WIPI2: variants seen among roughly 807,000 people sequenced by gnomAD.
WIPI2 encodes the protein WD repeat domain, phosphoinositide interacting 2.
In WIPI2, 28 loss-of-function variants were observed where a neutral mutation model predicts 52.3. That is an observed-to-expected ratio of 0.54 (90% CI 0.40 to 0.73). The LOEUF (loss-of-function observed/expected upper bound fraction) is 0.73. WIPI2 is among the 30% of genes least tolerant of loss of function. WIPI2 has a pLI of 0.00. For missense variants in WIPI2, 506 were observed against 602.9 expected, an observed-to-expected ratio of 0.84 and a Z score of 1.68; for synonymous variants, 268 against 245.0, an observed-to-expected ratio of 1.09 and a Z score of -0.88.
intron 4 of WIPI2, among the ~76,000 whole-genome samples, chr7:5,215,955 G>A (rs1782789892): frequency 6.6e-6 from 1 of 152,178 alleles, no homozygotes; most frequent in African/African-American, 2.4e-5. Flanking sequence ...CTCAGCATCA[G>A]TTTTAAAAAG....
rs971133472 is a variant in WIPI2, at chr7:5,230,318, G to T, written c.1253-517G>T. ...GAATGAGGCCAATGGGCTCCCCTCC[G>T]GCGGCAGCACTAAGACCCATGCATG... On this transcript the variant is annotated intron_variant, in intron 12 of 12. Coordinates refer to ENST00000288828, the MANE Select transcript of WIPI2 (RefSeq NM_015610.4). This position sits in a 1 kb window ranked among gnomAD's most constrained non-coding sequence, Gnocchi z 4.8. 6.6e-6 allele frequency among the ~76,000 whole-genome samples: 1 copy of T among 152,142 alleles called. No individual in the cohort carries two copies. Among genetic ancestry groups the T allele is most frequent in the African/African-American group, 2.4e-5 (1 of 41,432 alleles).
At chr7:5,201,321 A>G (rs1000178500) in intron 3 of WIPI2, among the ~76,000 whole-genome samples, 1 of 152,220 alleles carries the variant, frequency 6.6e-6, no homozygotes, top group African/African-American at 2.4e-5. Context: ...CAGTGCTTAT[A>G]AAGAGTGGAA....
intron 2 of WIPI2, among the ~76,000 whole-genome samples, chr7:5,197,118 C>CAAAAAAAAAAAAAAAAAAAAAAAAAA (rs869261081): frequency 2.4e-5 from 1 of 41,450 alleles, no homozygotes. Flanking sequence ...TCTCAAAAAA[C>CAAAAAAAAAAAAAAAAAAAAAAAAAA]AAAAAAAAAA....
chr7:5,221,484 A>G (rs748808091), intron 7 of WIPI2, among the ~76,000 whole-genome samples: 4 of 152,324 alleles, frequency 2.6e-5, no homozygotes, highest in Non-Finnish European at 5.9e-5. Context: ...TTGGAATGCT[A>G]CCCATTTTAA....
chr7:5,221,213 C>T (rs765571177), intron 7 of WIPI2, among the ~76,000 whole-genome samples: 9 of 151,840 alleles, frequency 5.9e-5, no homozygotes, highest in South Asian at 2.1e-4. Context: ...CCACTCACCT[C>T]GGGCTCCCAA....
intron 3 of WIPI2, among the ~76,000 whole-genome samples, chr7:5,206,443 G>A (rs1782299969): frequency 6.6e-6 from 1 of 152,180 alleles, no homozygotes; most frequent in Non-Finnish European, 1.5e-5. Context: ...TCTCTTTTAT[G>A]AATATTTGCA....
At chr7:5,204,331 G>A (rs944266586) in intron 3 of WIPI2, among the ~76,000 whole-genome samples, 2 of 152,134 alleles carry the variant, frequency 1.3e-5, no homozygotes, top group African/African-American at 4.8e-5. Context: ...GCCGGACATG[G>A]TGGCGCGCTC....
At chr7:5,203,625 C>CTT (rs10709311) in intron 3 of WIPI2, among the ~76,000 whole-genome samples, 426 of 66,312 alleles carry the variant, frequency 6.4e-3, no homozygotes, top group Admixed American at 7.0e-3. Context: ...TACGTTCAGC[C>CTT]TTTTTTTTTT....
intron 5 of WIPI2, 173 bp from the exon 6 acceptor site, chr7:5,216,897 CTCTTGACAATACTGGTATCA>C: frequency 1.4e-6 from 1 of 710,320 alleles, no homozygotes; most frequent in South Asian, 1.9e-5. Flanking sequence ...GGCCTTTAAT[CTCTTGACAATACTGGTATCA>C]CCTAAGGTGG....
chr7:5,207,745 T>G (rs1782361364), intron 3 of WIPI2, among the ~76,000 whole-genome samples: 1 of 151,442 alleles, frequency 6.6e-6, no homozygotes, highest in South Asian at 2.1e-4. Flanking sequence ...ATGAGAGTTC[T>G]GATTGCTCTA....
intron 2 of WIPI2, among the ~76,000 whole-genome samples, chr7:5,195,264 A>C (rs1272487014): frequency 6.6e-6 from 1 of 152,160 alleles, no homozygotes; most frequent in Non-Finnish European, 1.5e-5. Flanking sequence ...AGGTGGGAGG[A>C]TCCCTTGAGT....
At chr7:5,229,138 C>T (rs1335511689) in intron 11 of WIPI2, among the ~76,000 whole-genome samples, 1 of 152,226 alleles carries the variant, frequency 6.6e-6, no homozygotes, top group African/African-American at 2.4e-5. Flanking sequence ...GCCTCAGCCT[C>T]CCGAGTAGCT....
intron 4 of WIPI2, among the ~76,000 whole-genome samples, chr7:5,215,574 T>G (rs115149377): frequency 0.023 from 3,579 of 152,312 alleles, 139 homozygotes; most frequent in African/African-American, 0.081. Flanking sequence ...GAAAGCTGAT[T>G]AGGCTGCTGG....
At chr7:5,217,805 T>C in intron 6 of WIPI2, 117 bp from the exon 7 acceptor site, 1 of 953,522 alleles carries the variant, frequency 1.0e-6, no homozygotes, top group Non-Finnish European at 1.7e-6. Flanking sequence ...TTGGCATTTG[T>C]TTGGACCGTA....
chr7:5,199,538 C>T (rs757635950), intron 2 of WIPI2, 38 bp from the exon 3 acceptor site: 16 of 1,568,348 alleles, frequency 1.0e-5, no homozygotes, highest in African/African-American at 5.5e-5. Context: ...ACTGTCTGCA[C>T]GTATCAGCTC....
intron 7 of WIPI2, among the ~76,000 whole-genome samples, chr7:5,222,331 G>A (rs1583584409): frequency 6.6e-6 from 1 of 152,246 alleles, no homozygotes; most frequent in East Asian, 1.9e-4. Context: ...AAGACTGTTA[G>A]TGTTGAGAGT....
intron 6 of WIPI2, 36 bp from the exon 7 acceptor site, chr7:5,217,886 T>C (rs777402049): frequency 5.1e-5 from 82 of 1,609,340 alleles, no homozygotes; most frequent in Non-Finnish European, 6.6e-5. Context: ...GCGGTCACTG[T>C]GCGGTGGCCA....
chr7:5,221,617 G>A lies in WIPI2; in HGVS notation c.670-985G>A, dbSNP rs371894722. On this transcript the variant is annotated intron_variant, in intron 7 of 12. Coordinates refer to ENST00000288828, the MANE Select transcript of WIPI2 (RefSeq NM_015610.4). ...CTCGTTATTTTCTTGGCGCTTCTCT[G>A]TTTATTCCCCCAGATGTTCATGTCT... 3.8e-4 allele frequency among the ~76,000 whole-genome samples: 58 copies of A among 152,240 alleles called. 3 individuals carry two copies. The highest frequency in any genetic ancestry group is 2.3e-3 in the South Asian group (11 of 4,820).
chr7:5,222,735 A>G, intron 8 of WIPI2, 63 bp downstream of exon 8: 5 of 1,487,694 alleles, frequency 3.4e-6, no homozygotes, highest in Non-Finnish European at 4.7e-6. Flanking sequence ...GTTTTATGTT[A>G]TCTATGAACA....
Sources: gnomAD v4.1 joint callset for allele counts (sites outside exome capture counted in the v4.1 genomes callset) on GRCh38, gnomAD v4.1.1 for gene constraint, Gnocchi (gnomAD v3.1) non-coding constraint, MANE v1.5 for transcripts, NCBI Gene and HGNC (gene_info 2026-07-23, HGNC 2026-07-21) for gene names.